Variants in ITGBL1 observed in about 807,000 individuals in gnomAD.
The protein encoded by ITGBL1 is integrin subunit beta like 1.
Under a neutral mutation model 68.5 loss-of-function variants are expected in ITGBL1, and 51 were observed. The ratio of observed to expected loss-of-function variants is 0.74; its 90% CI spans 0.59 to 0.94. The LOEUF (loss-of-function observed/expected upper bound fraction) is 0.94, where lower values mean the gene tolerates loss of function less well. Among genes scored for constraint, ITGBL1 ranks in the 40% least tolerant of loss-of-function variants. The pLI is 0.00. For synonymous variants in ITGBL1, 209 were observed against 227.3 expected (o/e 0.92, Z 0.72); for missense variants, 649 against 647.4 (o/e 1.00, Z -0.03).
chr13:101,476,708 T>C (rs571414717), intron 2 of ITGBL1, among the ~76,000 whole-genome samples: 56 of 152,258 alleles, frequency 3.7e-4, no homozygotes, highest in South Asian at 1.2e-3. Context: ...GCTATACTTA[T>C]GTCAGACAAT....
intron 2 of ITGBL1, among the ~76,000 whole-genome samples, chr13:101,545,767 T>G (rs555403877): frequency 8.5e-5 from 13 of 152,170 alleles, no homozygotes; most frequent in Non-Finnish European, 1.6e-4. Flanking sequence ...CTGGGACTCA[T>G]GGACCAGCCT....
At chr13:101,659,478 G>A (rs188925215) in intron 7 of ITGBL1, among the ~76,000 whole-genome samples, 58 of 152,216 alleles carry the variant, frequency 3.8e-4, no homozygotes, top group Admixed American at 7.8e-4. Context: ...TTCTTAAAAG[G>A]AGCAAGTATA....
intron 2 of ITGBL1, among the ~76,000 whole-genome samples, chr13:101,545,452 A>C (rs2049802928): frequency 6.6e-6 from 1 of 152,196 alleles, no homozygotes; most frequent in South Asian, 2.1e-4. Context: ...AATCCAACAT[A>C]AACAAAATTG....
chr13:101,588,141 C>A (rs1328824128), intron 6 of ITGBL1, among the ~76,000 whole-genome samples: 3 of 152,126 alleles, frequency 2.0e-5, no homozygotes, highest in African/African-American at 4.8e-5. Context: ...CCTATAATGG[C>A]CTGAGAACCT....
At chr13:101,476,239 T>C (rs144695612) in intron 2 of ITGBL1, among the ~76,000 whole-genome samples, 1 of 152,226 alleles carries the variant, frequency 6.6e-6, no homozygotes, top group African/African-American at 2.4e-5. Flanking sequence ...CTTTGCTTGT[T>C]AGTTCATTTT....
At chr13:101,658,099 A>C (rs894170902) in intron 7 of ITGBL1, among the ~76,000 whole-genome samples, 1 of 152,204 alleles carries the variant, frequency 6.6e-6, no homozygotes, top group Non-Finnish European at 1.5e-5. Context: ...CTACATTTGA[A>C]ATTCTGTCAG....
chr13:101,604,905 T>G (rs1370661679), intron 7 of ITGBL1, among the ~76,000 whole-genome samples: 1 of 42,748 alleles, frequency 2.3e-5, no homozygotes, highest in Non-Finnish European at 5.3e-5. Flanking sequence ...CACACACATA[T>G]ATATGTGCAT....
chr13:101,493,144 CAAG>C (rs2048805494), intron 2 of ITGBL1, among the ~76,000 whole-genome samples: 1 of 152,058 alleles, frequency 6.6e-6, no homozygotes, highest in Non-Finnish European at 1.5e-5. Flanking sequence ...AGATTTTACT[CAAG>C]GAGCTGATAT....
chr13:101,664,148 A>G (rs2033155121), intron 7 of ITGBL1, among the ~76,000 whole-genome samples: 1 of 152,180 alleles, frequency 6.6e-6, no homozygotes, highest in Non-Finnish European at 1.5e-5. Context: ...AAGGCTCTGA[A>G]AATAAGTGGA....
intron 2 of ITGBL1, among the ~76,000 whole-genome samples, chr13:101,548,113 T>G (rs1422863657): frequency 1.3e-5 from 2 of 151,878 alleles, no homozygotes; most frequent in Non-Finnish European, 3.0e-5. Context: ...GTTTAGTTCC[T>G]TCTTAAATTC....
chr13:101,547,766 C>T lies in ITGBL1; in HGVS notation c.317-19933C>T, dbSNP rs1284902633. Among the ~76,000 whole-genome samples the T allele has an allele frequency of 2.6e-5, 4 of 151,642 alleles. No individual in the cohort carries two copies. In the East Asian group the frequency reaches 5.8e-4, roughly 22 times the overall value. On this transcript the variant is annotated intron_variant, in intron 2 of 10. Transcript: ENST00000376180. ...TTGACGTGATAGATCTGCATTTACC[C>T]GGATATGACTATTATGCGTTGTATG...
chr13:101,453,958 GGGGGCCGCGCTGTGCCACGGCC>G lies in ITGBL1; in HGVS notation c.183_204del (p.Leu62AlafsTer10), dbSNP rs1461082951. 4 of 1,494,450 alleles carry G rather than the reference GGGGGCCGCGCTGTGCCACGGCC, an allele frequency of 2.7e-6. No homozygotes were observed. Among genetic ancestry groups the G allele is most frequent in the African/African-American group, 1.4e-5 (1 of 69,828 alleles). The allele number at this position is 1,494,450 out of a possible 1,614,324, so 92.6% of individuals were successfully genotyped here. The stretch of plus-strand genomic sequence containing the variant: ...GCTGCCGCGCACCTGGGCAGCCCCC[GGGGGCCGCGCTGTGCCACGGCC>G]GGGGCCGCTGCGACTGCGGCGTCTG... On this transcript the variant is annotated frameshift_variant, in exon 2 of 11. Coordinates refer to ENST00000376180, the MANE Select transcript of ITGBL1 (RefSeq NM_004791.3). LOFTEE classifies it high-confidence loss of function.
At chr13:101,634,536 A>G (rs1331921890) in intron 7 of ITGBL1, among the ~76,000 whole-genome samples, 1 of 152,158 alleles carries the variant, frequency 6.6e-6, no homozygotes, top group Non-Finnish European at 1.5e-5. Flanking sequence ...AGATTTCAAT[A>G]AAGATGTTAT....
chr13:101,619,559 G>A (rs2031502504), intron 7 of ITGBL1, among the ~76,000 whole-genome samples: 1 of 152,134 alleles, frequency 6.6e-6, no homozygotes. Flanking sequence ...TTTGAGCCCA[G>A]CCAAACCATT....
At chr13:101,547,719 A>C (rs1431909510) in intron 2 of ITGBL1, among the ~76,000 whole-genome samples, 1 of 151,826 alleles carries the variant, frequency 6.6e-6, no homozygotes, top group African/African-American at 2.4e-5. Flanking sequence ...ATTGTTTTTT[A>C]ATACGGAGAA....
chr13:101,558,933 A>G (rs2050056670), intron 2 of ITGBL1, among the ~76,000 whole-genome samples: 2 of 151,962 alleles, frequency 1.3e-5, no homozygotes, highest in Admixed American at 6.6e-5. Flanking sequence ...GTGTGTTTAT[A>G]TAACTTTCAT....
intron 7 of ITGBL1, among the ~76,000 whole-genome samples, chr13:101,602,251 A>G (rs1594920285): frequency 6.6e-6 from 1 of 152,112 alleles, no homozygotes; most frequent in Non-Finnish European, 1.5e-5. Flanking sequence ...TTGTATAAAC[A>G]AATAGCTATG....
Position 101,556,850 on chromosome 13 carries a change from C to G in ITGBL1, c.317-10849C>G, listed in dbSNP as rs375944193. Among the ~76,000 whole-genome samples the G allele has an allele frequency of 5.9e-5, 9 of 152,238 alleles. No individual in the cohort carries two copies. The East Asian group carries it at 1.5e-3, about 26-fold the overall frequency. On this transcript the variant is annotated intron_variant, in intron 2 of 10. Coordinates refer to ENST00000376180, the MANE Select transcript of ITGBL1 (RefSeq NM_004791.3). ...CTGTTCGCACCTTGGTTTTGGACTT[C>G]GAGTCTCCAGAAATATGAGACAAAA...
At chr13:101,658,683 G>C (rs909354143) in intron 7 of ITGBL1, among the ~76,000 whole-genome samples, 6 of 152,066 alleles carry the variant, frequency 3.9e-5, no homozygotes, top group African/African-American at 1.4e-4. Flanking sequence ...GGGAATCTCA[G>C]GTAATGGCAT....
Sources: gnomAD v4.1 joint callset for allele counts (sites outside exome capture counted in the v4.1 genomes callset) on GRCh38, gnomAD v4.1.1 for gene constraint, MANE v1.5 for transcripts, NCBI Gene and HGNC (gene_info 2026-07-23, HGNC 2026-07-21) for gene names.